The following NUDT3 variants were observed in gnomAD, a reference collection of about 807,000 sequenced individuals.
The protein encoded by NUDT3 is nudix hydrolase 3, also known as diphosphoinositol polyphosphate phosphohydrolase 1.
In NUDT3, 9 loss-of-function variants were observed where a neutral mutation model predicts 23.6. That is an observed-to-expected ratio of 0.38 (90% CI 0.23 to 0.66). NUDT3 has a LOEUF of 0.66. Among genes scored for constraint, NUDT3 ranks in the 30% least tolerant of loss-of-function variants. NUDT3 has a pLI of 0.52. For missense variants in NUDT3, 172 were observed against 218.5 expected (o/e 0.79, Z 1.34); for synonymous variants, 86 against 82.6 (o/e 1.04, Z -0.22).
rs962282018 is a variant in NUDT3 at position 34,288,519 on chromosome 6, G to A, written c.*234C>T. 3 of 512,874 alleles carry A rather than the reference G, an allele frequency of 5.8e-6. No homozygotes were observed. Among genetic ancestry groups the A allele is most frequent in the African/African-American group, 2.0e-5 (1 of 50,068 alleles). 31.8% of individuals were successfully genotyped at this position (512,874 alleles called of 1,614,324 possible). ...GTGGGAAGAGGGAGGGACAGATCAT[G>A]CACAAAAGTACTTACAAATTACACA... On this transcript the variant is annotated 3_prime_UTR_variant, in exon 5 of 5. Coordinates refer to ENST00000607016, the MANE Select transcript of NUDT3 (RefSeq NM_006703.4).
Position 34,282,922 on chromosome 6 carries a change from TA to T in NUDT3, c.*5830del, listed in dbSNP as rs1272917538. The T allele has an allele frequency of 1.3e-5, 2 of 152,214 alleles. No homozygotes were observed. The highest frequency in any genetic ancestry group is 2.9e-5 in the Non-Finnish European group (2 of 68,036). 9.4% of individuals were successfully genotyped at this position (152,214 alleles called of 1,614,324 possible). On this transcript the variant is annotated 3_prime_UTR_variant, in exon 5 of 5. Transcript: ENST00000607016. Reference sequence around the variant, plus strand: ...GAAGCAATGACTTCTTTCCACCTTCTAGATAGTAATCTTACTTTTGTTGGCT... The same window carrying T: ...GAAGCAATGACTTCTTTCCACCTTCTGATAGTAATCTTACTTTTGTTGGCT...
At chr6:34,336,658 T>C (rs989635061) in intron 2 of NUDT3, among the ~76,000 whole-genome samples, 2 of 149,968 alleles carry the variant, frequency 1.3e-5, no homozygotes, top group Admixed American at 6.7e-5. Context: ...TGTCCTAAAG[T>C]GCTTCCCCCT....
rs191930325 is a variant in NUDT3, at chr6:34,379,079, C to A, written c.99+13185G>T. On this transcript the variant is annotated intron_variant, in intron 1 of 4. Coordinates refer to ENST00000607016, the MANE Select transcript of NUDT3 (RefSeq NM_006703.4). ...TCCCCTCTTCTTTCACCCACAGCAA[C>A]GTAGTTCTAGTTTTCTTTTCATTAG... Among the ~76,000 whole-genome samples the A allele has an allele frequency of 1.4e-4, 22 of 152,262 alleles. No individual in the cohort carries two copies. In the East Asian group the frequency reaches 4.1e-3, roughly 28 times the overall value.
In NUDT3 at chr6:34,392,105, C is replaced by A. The variant is rs192286543; in HGVS notation, c.99+159G>T. Reference sequence around the variant, plus strand: ...TCCCCTCAGCCCCAACGTCCTTTCTCCTTCCCCCTTTTTTCGCCTCAGGAA... The same window carrying A: ...TCCCCTCAGCCCCAACGTCCTTTCTACTTCCCCCTTTTTTCGCCTCAGGAA... On this transcript the variant is annotated intron_variant, in intron 1 of 4. Coordinates refer to ENST00000607016, the MANE Select transcript of NUDT3 (RefSeq NM_006703.4). Among the ~76,000 whole-genome samples the A allele has an allele frequency of 6.2e-3, 949 of 152,282 alleles. 11 individuals are homozygous for A. Among genetic ancestry groups the A allele is most frequent in the African/African-American group, 0.022 (898 of 41,560 alleles).
chr6:34,321,017 C>T (rs1302566784), intron 2 of NUDT3, among the ~76,000 whole-genome samples: 1 of 151,934 alleles, frequency 6.6e-6, no homozygotes, highest in African/African-American at 2.4e-5. Context: ...GGATAGGGCA[C>T]GGTTTCTAGC....
chr6:34,365,277 A>G (rs1404668099), intron 1 of NUDT3, among the ~76,000 whole-genome samples: 1 of 150,810 alleles, frequency 6.6e-6, no homozygotes, highest in Non-Finnish European at 1.5e-5. Context: ...TAAAAATACA[A>G]AAATTAGCCA....
At chr6:34,386,201 G>T (rs1435374723) in intron 1 of NUDT3, among the ~76,000 whole-genome samples, 1 of 152,186 alleles carries the variant, frequency 6.6e-6, no homozygotes, top group Non-Finnish European at 1.5e-5. Context: ...GGTTGGTTAA[G>T]AAACTGTATA....
intron 2 of NUDT3, among the ~76,000 whole-genome samples, chr6:34,316,933 G>A (rs1763870610): frequency 6.6e-6 from 1 of 152,186 alleles, no homozygotes; most frequent in South Asian, 2.1e-4. Flanking sequence ...GACTGAAGAA[G>A]GCAAGGGTGC....
chr6:34,288,726 T>C lies in NUDT3; in HGVS notation c.*27A>G, dbSNP rs775756496. The C allele has an allele frequency of 4.8e-5, 76 of 1,594,564 alleles. No homozygotes were observed. The East Asian group carries it at 1.6e-3, about 33-fold the overall frequency. Reference sequence around the variant, plus strand: ...TTGCACTTCAGTCTAGTTTCCAATTTCCATTTCTCTTACAGGAAGTCTTCA... The same window carrying C: ...TTGCACTTCAGTCTAGTTTCCAATTCCCATTTCTCTTACAGGAAGTCTTCA... On this transcript the variant is annotated 3_prime_UTR_variant, in exon 5 of 5. Transcript: ENST00000607016.
At position 34,387,673 on chromosome 6, in the gene NUDT3, TAAAAA is replaced by T. The variant is rs752125676; in HGVS notation, c.99+4586_99+4590del. The stretch of plus-strand genomic sequence containing the variant: ...AACAGAGCAAGATCTCATCTCTTTT[TAAAAA>T]AAAAAAAAAAAAAAAAAAGTGATTT... On this transcript the variant is annotated intron_variant, in intron 1 of 4. Coordinates refer to ENST00000607016, the MANE Select transcript of NUDT3 (RefSeq NM_006703.4). 5.3e-4 allele frequency among the ~76,000 whole-genome samples: 52 copies of T among 98,766 alleles called. No homozygotes were observed. The East Asian group carries it at 0.013, about 25-fold the overall frequency. 64.8% of individuals were successfully genotyped at this position (98,766 alleles called of 152,430 possible).
chr6:34,384,438 C>G (rs913834395), intron 1 of NUDT3, among the ~76,000 whole-genome samples: 5 of 152,192 alleles, frequency 3.3e-5, no homozygotes, highest in Non-Finnish European at 5.9e-5. Context: ...TTAGGAGCAG[C>G]TTTAACTTTC....
Position 34,382,567 on chromosome 6 carries a change from AGGTCAAGGCAGGAGGGCTGCTGCTTC to A in NUDT3, c.99+9671_99+9696del, listed in dbSNP as rs570463333. 2.6e-3 allele frequency among the ~76,000 whole-genome samples: 397 copies of A among 152,132 alleles called. 1 individual carries two copies. The highest frequency in any genetic ancestry group is 0.015 in the East Asian group (78 of 5,184). On this transcript the variant is annotated intron_variant, in intron 1 of 4. Transcript: ENST00000607016. ...ACACCTGTAATCCCAGCACTTTGGA[AGGTCAAGGCAGGAGGGCTGCTGCTTC>A]GGTCAAGGCAGGAGGGCTGCTGCTT...
At chr6:34,331,141 C>T (rs1764121384) in intron 2 of NUDT3, among the ~76,000 whole-genome samples, 2 of 152,198 alleles carry the variant, frequency 1.3e-5, no homozygotes, top group Admixed American at 1.3e-4. Context: ...AAGGGTGAGC[C>T]ACCGCACCTG....
In NUDT3 at chr6:34,351,210, A is replaced by AC. The variant is rs1561915080; in HGVS notation, c.100-9239_100-9238insG. Among the ~76,000 whole-genome samples, 328 of 133,352 alleles carry AC rather than the reference A, an allele frequency of 2.5e-3. 16 individuals carry two copies. Among genetic ancestry groups the AC allele is most frequent in the Admixed American group, 4.1e-3 (54 of 13,260 alleles). 87.5% of individuals were successfully genotyped at this position (133,352 alleles called of 152,430 possible). On this transcript the variant is annotated intron_variant, in intron 1 of 4. Coordinates refer to ENST00000607016, the MANE Select transcript of NUDT3 (RefSeq NM_006703.4). ...ACACTCCCCTGCCTAAAAAAAAAAAAAAAAAAAAAAAAAAAACACTTTGGG... is the reference window on the plus strand; with the variant it reads ...ACACTCCCCTGCCTAAAAAAAAAAAACAAAAAAAAAAAAAAAACACTTTGGG...
At chr6:34,326,962 A>G (rs1371886291) in intron 2 of NUDT3, among the ~76,000 whole-genome samples, 1 of 152,138 alleles carries the variant, frequency 6.6e-6, no homozygotes, top group Non-Finnish European at 1.5e-5. Context: ...GTACGAAATA[A>G]AGACACAGGA....
At chr6:34,333,487 G>A (rs1001417628) in intron 2 of NUDT3, among the ~76,000 whole-genome samples, 1 of 152,156 alleles carries the variant, frequency 6.6e-6, no homozygotes, top group Non-Finnish European at 1.5e-5. Flanking sequence ...AAACATTTTG[G>A]TGGACATCTT....
At chr6:34,304,889 C>T (rs1763655825) in intron 2 of NUDT3, among the ~76,000 whole-genome samples, 1 of 143,216 alleles carries the variant, frequency 7.0e-6, no homozygotes, top group Non-Finnish European at 1.5e-5. Flanking sequence ...CCAGGTTGGT[C>T]TTGAACTCCT....
chr6:34,374,215 C>G lies in NUDT3; in HGVS notation c.99+18049G>C, dbSNP rs551608080. Among the ~76,000 whole-genome samples the G allele has an allele frequency of 8.8e-5, 13 of 148,204 alleles. 1 individual carries two copies. The South Asian group carries it at 2.8e-3, about 32-fold the overall frequency. On this transcript the variant is annotated intron_variant, in intron 1 of 4. Coordinates refer to ENST00000607016, the MANE Select transcript of NUDT3 (RefSeq NM_006703.4). ...TACTTGTTTAACTCCTTTTGTGGAT[C>G]TGTCAGAAGAAAACTGTGTTATCTT...
At chr6:34,361,778 G>T (rs980063002) in intron 1 of NUDT3, among the ~76,000 whole-genome samples, 1 of 152,192 alleles carries the variant, frequency 6.6e-6, no homozygotes, top group Non-Finnish European at 1.5e-5. Context: ...GCCACATACT[G>T]TAAGATTCCA....
Sources: allele counts gnomAD v4.1 joint callset (sites outside exome capture counted in the v4.1 genomes callset), GRCh38; gene constraint gnomAD v4.1.1; transcripts MANE v1.5; gene names NCBI Gene and HGNC (gene_info 2026-07-23, HGNC 2026-07-21).